CELF4: variants seen among roughly 807,000 people sequenced by gnomAD.
The protein encoded by CELF4 is CUG-BP- and ETR-3-like factor 4.
A neutral mutation model predicts 59.9 loss-of-function variants in CELF4; 18 were observed. The observed-to-expected ratio is 0.30, with a 90% CI of 0.21 to 0.45. The LOEUF (loss-of-function observed/expected upper bound fraction) is 0.45. CELF4 is among the 20% of genes least tolerant of loss of function. The pLI is 1.00. For synonymous variants in CELF4, 261 were observed against 267.1 expected (o/e 0.98, Z 0.22); for missense variants, 456 against 689.0 (o/e 0.66, Z 3.79).
intron 2 of CELF4, among the ~76,000 whole-genome samples, chr18:37,452,354 C>T (rs1274469368): frequency 2.0e-5 from 3 of 152,000 alleles, no homozygotes; most frequent in East Asian, 1.9e-4. Flanking sequence ...GGGAAACAGG[C>T]GGTGCCTGCC....
At chr18:37,275,681 G>C (rs184454328) in intron 3 of CELF4, 1 of 181,098 alleles carries the variant, frequency 5.5e-6, no homozygotes, top group African/African-American at 2.4e-5. Context: ...GTCTGACTTC[G>C]GGCCTTTGCA....
chr18:37,472,604 G>C (rs1248770848), intron 2 of CELF4, among the ~76,000 whole-genome samples: 1 of 152,248 alleles, frequency 6.6e-6, no homozygotes, highest in Non-Finnish European at 1.5e-5. Context: ...TGGCACCCCA[G>C]GGCTGAGATG....
At chr18:37,274,017 G>A (rs1211662827) in intron 6 of CELF4, 1 of 1,242,962 alleles carries the variant, frequency 8.0e-7, no homozygotes, top group South Asian at 2.0e-5. Flanking sequence ...CGTTGATCTG[G>A]CTGAGAGGAA....
At chr18:37,363,318 A>G (rs2098734336) in intron 2 of CELF4, among the ~76,000 whole-genome samples, 1 of 152,246 alleles carries the variant, frequency 6.6e-6, no homozygotes, top group African/African-American at 2.4e-5. Context: ...TTTATCACCT[A>G]CCAGGACACA....
chr18:37,505,634 G>A lies in CELF4; in HGVS notation c.287-20027C>T, dbSNP rs147365059. Among the ~76,000 whole-genome samples, 574 of 152,266 alleles carry A rather than the reference G, an allele frequency of 3.8e-3. 3 individuals carry two copies. Among genetic ancestry groups the A allele is most frequent in the Middle Eastern group, 0.024 (7 of 294 alleles). On this transcript the variant is annotated intron_variant, in intron 1 of 12. Transcript: ENST00000420428. ...ACAGAGGACCTCAGTGGCTGGCAGG[G>A]GAGCAGGGTGGTTAGAGACATGGGC...
chr18:37,371,325 G>A (rs140806184), intron 2 of CELF4, among the ~76,000 whole-genome samples: 31 of 152,312 alleles, frequency 2.0e-4, no homozygotes, highest in Middle Eastern at 3.4e-3. Flanking sequence ...TGCCAGCCCT[G>A]GAGCAGTTCA....
chr18:37,426,769 G>A (rs1006972116), intron 2 of CELF4, among the ~76,000 whole-genome samples: 1 of 152,108 alleles, frequency 6.6e-6, no homozygotes, highest in Admixed American at 6.5e-5. Context: ...ATGTTGCGTC[G>A]CCGCTGCCAT....
chr18:37,420,008 T>C (rs1222388096), intron 2 of CELF4, among the ~76,000 whole-genome samples: 1 of 152,216 alleles, frequency 6.6e-6, no homozygotes, highest in African/African-American at 2.4e-5. Context: ...CCATCTGCTC[T>C]TGGTATCCAG....
chr18:37,455,506 G>A (rs921708171), intron 2 of CELF4, among the ~76,000 whole-genome samples: 1 of 152,160 alleles, frequency 6.6e-6, no homozygotes, highest in Non-Finnish European at 1.5e-5. Context: ...GTGGTTTGGG[G>A]CTCCCCAATG....
intron 10 of CELF4, 30 bp from the exon 11 acceptor site, chr18:37,259,294 AGG>A: frequency 6.4e-6 from 1 of 155,922 alleles, no homozygotes; most frequent in Non-Finnish European, 1.2e-5. Flanking sequence ...TGGGCGGGGG[AGG>A]AGGGATGGCA....
intron 1 of CELF4, among the ~76,000 whole-genome samples, chr18:37,486,922 C>G (rs1367214576): frequency 1.3e-5 from 2 of 152,248 alleles, no homozygotes; most frequent in African/African-American, 4.8e-5. Flanking sequence ...TCTACCTACT[C>G]CAGGCAGCCC....
chr18:37,442,033 G>A (rs562295174), intron 2 of CELF4, among the ~76,000 whole-genome samples: 1 of 151,646 alleles, frequency 6.6e-6, no homozygotes, highest in East Asian at 1.9e-4. Flanking sequence ...GACACGGTGT[G>A]TCACCCTTTA....
chr18:37,550,564 G>A lies in CELF4; in HGVS notation c.286+14792C>T, dbSNP rs574046733. ...AGATATGACGTTGGTTTAAGTTTAC[G>A]GACCATGTTTAATATTTGATTAAAC... On this transcript the variant is annotated intron_variant, in intron 1 of 12. Transcript: ENST00000420428. Among the ~76,000 whole-genome samples, 257 of 152,318 alleles carry A rather than the reference G, an allele frequency of 1.7e-3. 3 individuals are homozygous for A. Among genetic ancestry groups the A allele is most frequent in the Admixed American group, 3.7e-3 (56 of 15,298 alleles).
chr18:37,382,154 C>T (rs1249154252), intron 2 of CELF4, among the ~76,000 whole-genome samples: 1 of 152,212 alleles, frequency 6.6e-6, no homozygotes, highest in African/African-American at 2.4e-5. Context: ...AAGTGCTTGA[C>T]TTCTGTTGAC....
intron 1 of CELF4, among the ~76,000 whole-genome samples, chr18:37,503,297 A>T (rs989959686): frequency 6.6e-6 from 1 of 152,230 alleles, no homozygotes; most frequent in African/African-American, 2.4e-5. Flanking sequence ...ACTTGCAGCC[A>T]GAGAATAGGA....
In CELF4 at chr18:37,537,595, C is replaced by T. The variant is rs554064218; in HGVS notation, c.286+27761G>A. Among the ~76,000 whole-genome samples, 12 of 152,332 alleles carry T rather than the reference C, an allele frequency of 7.9e-5. 1 individual carries two copies. The highest frequency in any genetic ancestry group is 2.9e-4 in the African/African-American group (12 of 41,574). On this transcript the variant is annotated intron_variant, in intron 1 of 12. Transcript: ENST00000420428. ...GGGGACCATTTCAGGCTGCTGTCTC[C>T]ACCCCAACTCCACATGTGAGCCTGA...
chr18:37,304,534 C>G (rs1373065822), intron 3 of CELF4, among the ~76,000 whole-genome samples: 1 of 151,800 alleles, frequency 6.6e-6, no homozygotes, highest in Non-Finnish European at 1.5e-5. Context: ...GACAAACCGA[C>G]CAAAGAATGA....
At chr18:37,315,516 C>A (rs937552985) in intron 3 of CELF4, among the ~76,000 whole-genome samples, 1 of 152,056 alleles carries the variant, frequency 6.6e-6, no homozygotes, top group South Asian at 2.1e-4. Flanking sequence ...CATCAAAGAC[C>A]GTCCCCACCT....
At chr18:37,460,048 A>G (rs1288317086) in intron 2 of CELF4, among the ~76,000 whole-genome samples, 1 of 152,190 alleles carries the variant, frequency 6.6e-6, no homozygotes, top group Non-Finnish European at 1.5e-5. Flanking sequence ...ATGGATGGGC[A>G]GTATTGGCCA....
Sources: allele counts gnomAD v4.1 joint callset (sites outside exome capture counted in the v4.1 genomes callset), GRCh38; gene constraint gnomAD v4.1.1; transcripts MANE v1.5; gene names NCBI Gene and HGNC (gene_info 2026-07-23, HGNC 2026-07-21).